Variants in SHANK2 observed in about 807,000 individuals in gnomAD.
SHANK2 encodes SH3 and multiple ankyrin repeat domains 2.
A neutral mutation model predicts 133.7 loss-of-function variants in SHANK2; 43 were observed. The ratio of observed to expected loss-of-function variants is 0.32; its 90% CI spans 0.25 to 0.41. The LOEUF (loss-of-function observed/expected upper bound fraction) is 0.41, where lower values mean the gene tolerates loss of function less well. Among genes scored for constraint, SHANK2 ranks in the 10% least tolerant of loss-of-function variants. The pLI is 1.00. For missense variants in SHANK2, 1,994 were observed against 2,235.8 expected (o/e 0.89, Z 2.18); for synonymous variants, 1,017 against 952.8 (o/e 1.07, Z -1.24).
At chr11:70,898,251 C>A (rs1949967391) in intron 10 of SHANK2, among the ~76,000 whole-genome samples, 1 of 139,864 alleles carries the variant, frequency 7.1e-6, no homozygotes, top group Non-Finnish European at 1.5e-5. Context: ...CAGGCATGAG[C>A]CACTGTGCCT....
rs1322143159 is a variant in SHANK2 at position 71,166,473 on chromosome 11, C to CTTTTTTTTTTTTTTTTTT, written c.-12-19136_-12-19135insAAAAAAAAAAAAAAAAAA. ...TTGGTTTACCTTCCAATCCACACGT[C>CTTTTTTTTTTTTTTTTTT]TTTTTTTTCTTTTCTTTTTTTTTTG... On this transcript the variant is annotated intron_variant, in intron 2 of 25. Coordinates refer to ENST00000601538, the MANE Select transcript of SHANK2 (RefSeq NM_012309.5). Among the ~76,000 whole-genome samples the CTTTTTTTTTTTTTTTTTT allele has an allele frequency of 2.3e-5, 3 of 131,384 alleles. 1 individual carries two copies. Among genetic ancestry groups the CTTTTTTTTTTTTTTTTTT allele is most frequent in the Non-Finnish European group, 1.6e-5 (1 of 61,410 alleles). 86.2% of individuals were successfully genotyped at this position (131,384 alleles called of 152,430 possible).
At chr11:70,779,793 C>A (rs1315539694) in intron 14 of SHANK2, among the ~76,000 whole-genome samples, 1 of 152,172 alleles carries the variant, frequency 6.6e-6, no homozygotes, top group Non-Finnish European at 1.5e-5. Context: ...CCTGCCACCC[C>A]CTCCTTCTGC....
intron 2 of SHANK2, among the ~76,000 whole-genome samples, chr11:71,184,016 G>A (rs1304332467): frequency 1.3e-5 from 2 of 152,288 alleles, no homozygotes; most frequent in East Asian, 1.9e-4. Flanking sequence ...GGACGCTCCT[G>A]ACTGGGGAGC....
chr11:71,060,832 G>A (rs1027983030), intron 9 of SHANK2, among the ~76,000 whole-genome samples: 2 of 152,224 alleles, frequency 1.3e-5, no homozygotes, highest in South Asian at 2.1e-4. Context: ...TGCAGCAGCC[G>A]ATATAGGGTG....
intron 8 of SHANK2, among the ~76,000 whole-genome samples, chr11:71,091,305 G>A (rs1951515226): frequency 6.6e-6 from 1 of 152,116 alleles, no homozygotes; most frequent in Non-Finnish European, 1.5e-5. Flanking sequence ...CAGGCTGCAG[G>A]GCCGACGATG....
intron 15 of SHANK2, among the ~76,000 whole-genome samples, chr11:70,694,483 G>A (rs1008544519): frequency 2.0e-5 from 3 of 152,152 alleles, no homozygotes; most frequent in Admixed American, 6.5e-5. Context: ...CACTTGCATC[G>A]GCAGTGGGGT....
intron 11 of SHANK2, among the ~76,000 whole-genome samples, chr11:70,823,080 C>A (rs1295614197): frequency 2.1e-5 from 1 of 46,618 alleles, no homozygotes; most frequent in African/African-American, 1.0e-4. Flanking sequence ...GCAGAGCTCA[C>A]GGGGGACAGA....
At chr11:70,762,586 A>T (rs1947017975) in intron 14 of SHANK2, among the ~76,000 whole-genome samples, 2 of 152,108 alleles carry the variant, frequency 1.3e-5, no homozygotes. Context: ...CCACTGGATG[A>T]CAGGGCTGAT....
At position 70,807,215 on chromosome 11, in the gene SHANK2, A is replaced by C. The variant is rs1555052169; in HGVS notation, c.1494-44T>G. ...GCAGAGAGAGAGAGAGCAGAGTCAC[A>C]AGGTCACAAGCCACATGCCACAAAC... is the stretch of plus-strand genomic sequence containing the variant. On this transcript the variant is annotated intron_variant, in intron 12 of 25. Transcript: ENST00000601538. The surrounding 1 kb of genome is among the most constrained non-coding windows in gnomAD (Gnocchi z 4.8). 2.8e-6 allele frequency: 2 copies of C among 701,844 alleles called. No homozygotes were observed. Among genetic ancestry groups the C allele is most frequent in the South Asian group, 3.0e-5 (2 of 65,704 alleles). The allele number at this position is 701,844 out of a possible 1,614,324, so 43.5% of individuals were successfully genotyped here.
intron 14 of SHANK2, among the ~76,000 whole-genome samples, chr11:70,710,168 G>A (rs781880038): frequency 5.9e-5 from 9 of 152,192 alleles, no homozygotes; most frequent in Non-Finnish European, 1.0e-4. Context: ...CAGTGGCCGT[G>A]GGAAGACAGG....
At chr11:70,667,036 T>A (rs1049624990) in intron 15 of SHANK2, among the ~76,000 whole-genome samples, 1 of 151,922 alleles carries the variant, frequency 6.6e-6, no homozygotes, top group African/African-American at 2.4e-5. Context: ...GCTGTGCAGG[T>A]TGTGCACTGT....
intron 8 of SHANK2, among the ~76,000 whole-genome samples, chr11:71,083,290 T>C: frequency 6.6e-6 from 1 of 152,036 alleles, no homozygotes; most frequent in South Asian, 2.1e-4. Context: ...CACATGATGA[T>C]GACAATGATG....
chr11:71,230,721 A>T (rs1329030103), intron 1 of SHANK2, among the ~76,000 whole-genome samples: 1 of 152,168 alleles, frequency 6.6e-6, no homozygotes, highest in Non-Finnish European at 1.5e-5. Flanking sequence ...TGGTGGAGGG[A>T]CAGGCACATA....
rs191081500 is a variant in SHANK2 at position 70,832,639 on chromosome 11, G to A, written c.1175-11957C>T. Among the ~76,000 whole-genome samples, 310 of 152,298 alleles carry A rather than the reference G, an allele frequency of 2.0e-3. 2 individuals are homozygous for A. The highest frequency in any genetic ancestry group is 3.5e-3 in the Admixed American group (53 of 15,302). On this transcript the variant is annotated intron_variant, in intron 11 of 25. Coordinates refer to ENST00000601538, the MANE Select transcript of SHANK2 (RefSeq NM_012309.5). ...CTGAGTGTTCCAGAGCACTTTACTA[G>A]GTTCACCAGGCTGCTCTCTAGTTGT... is the stretch of plus-strand genomic sequence containing the variant.
chr11:70,816,574 T>C (rs967506372), intron 12 of SHANK2, among the ~76,000 whole-genome samples: 6 of 152,256 alleles, frequency 3.9e-5, no homozygotes, highest in Non-Finnish European at 1.5e-5. Context: ...CAGGGCCCGT[T>C]GCCCTAGGAA....
At chr11:71,168,390 G>A (rs377725971) in intron 2 of SHANK2, among the ~76,000 whole-genome samples, 30 of 151,078 alleles carry the variant, frequency 2.0e-4, no homozygotes, top group Admixed American at 7.9e-4. Context: ...ATGGGCGGCC[G>A]GGCAGAGACG....
At chr11:70,635,000 CG>C (rs1386712913) in intron 17 of SHANK2, 1 of 152,168 alleles carries the variant, frequency 6.6e-6, no homozygotes, top group Non-Finnish European at 1.5e-5. Context: ...CAAACTACAA[CG>C]GGACACCATC....
chr11:71,073,135 TCTTTTTCTTTTCTTTTTTTTC>T (rs1951164721), intron 9 of SHANK2, among the ~76,000 whole-genome samples: 6 of 136,764 alleles, frequency 4.4e-5, no homozygotes, highest in African/African-American at 1.5e-4. Flanking sequence ...TTGTTTTTTT[TCTTTTTCTTTTCTTTTTTTTC>T]TTTTTTTTCT....
rs1463756358 is a variant in SHANK2 at position 71,086,157 on chromosome 11, TATTAA to T, written c.912+6260_912+6264del. Among the ~76,000 whole-genome samples the T allele has an allele frequency of 1.1e-3, 11 of 9,586 alleles. 2 individuals carry two copies. The East Asian group carries it at 0.016, about 14-fold the overall frequency. 6.3% of individuals were successfully genotyped at this position (9,586 alleles called of 152,430 possible). On this transcript the variant is annotated intron_variant, in intron 8 of 25. Transcript: ENST00000601538. ...ATATAATATATTATGTTATATAATA[TATTAA>T]ATTATATAATATATTATGTTATATA...
Sources: allele counts gnomAD v4.1 joint callset (sites outside exome capture counted in the v4.1 genomes callset), GRCh38; gene constraint gnomAD v4.1.1; non-coding constraint Gnocchi (gnomAD v3.1); transcripts MANE v1.5; gene names NCBI Gene and HGNC (gene_info 2026-07-23, HGNC 2026-07-21).